Variants in FBXW10 observed in about 807,000 individuals in gnomAD.
FBXW10 encodes the protein F-box/WD repeat-containing protein 10.
FBXW10 carries 68 observed loss-of-function variants against 113.1 expected under a neutral mutation model. That is an observed-to-expected ratio of 0.60 (90% CI 0.49 to 0.74). The LOEUF is 0.74. FBXW10 is among the 30% of genes least tolerant of loss of function. FBXW10 has a pLI of 0.00. For missense variants in FBXW10, 753 were observed against 1,284.5 expected, an observed-to-expected ratio of 0.59 and a Z score of 6.32; for synonymous variants, 289 against 481.6, an observed-to-expected ratio of 0.60 and a Z score of 5.24.
intron 9 of FBXW10, among the ~76,000 whole-genome samples, chr17:18,767,976 A>G (rs988254953): frequency 5.3e-5 from 8 of 150,822 alleles, no homozygotes; most frequent in Non-Finnish European, 7.4e-5. Flanking sequence ...AATGGACTCC[A>G]TTGGCCTTCT....
At chr17:18,767,346 G>A (rs2035517239) in intron 9 of FBXW10, among the ~76,000 whole-genome samples, 1 of 151,898 alleles carries the variant, frequency 6.6e-6, no homozygotes, top group South Asian at 2.1e-4. Context: ...CGGGCATGGT[G>A]GTGGGCGCTT....
intron 6 of FBXW10, among the ~76,000 whole-genome samples, chr17:18,756,711 T>C (rs926119012): frequency 6.6e-6 from 1 of 152,190 alleles, no homozygotes; most frequent in Non-Finnish European, 1.5e-5. Flanking sequence ...GTATTTATAA[T>C]TGCATACTCT....
At chr17:18,768,784 T>A (rs2151823845) in intron 10 of FBXW10, 108 bp downstream of exon 10, 1 of 1,104,294 alleles carries the variant, frequency 9.1e-7, no homozygotes, top group East Asian at 2.6e-5. Context: ...GACATCGTGT[T>A]CTCTGCACCT....
At chr17:18,774,420 A>G (rs546043363) in intron 12 of FBXW10, among the ~76,000 whole-genome samples, 1 of 152,214 alleles carries the variant, frequency 6.6e-6, no homozygotes, top group Non-Finnish European at 1.5e-5. Context: ...AATAAACAAT[A>G]TGGTGTTTGG....
At chr17:18,745,423 CTT>C (rs917049935) in intron 1 of FBXW10, 5 of 212,978 alleles carry the variant, frequency 2.3e-5, no homozygotes, top group South Asian at 1.7e-4. Context: ...TATGTCTTTT[CTT>C]TTTTTTTTGA....
chr17:18,752,669 C>T (rs181472390), intron 5 of FBXW10, among the ~76,000 whole-genome samples: 1 of 151,080 alleles, frequency 6.6e-6, no homozygotes, highest in African/African-American at 2.4e-5. Flanking sequence ...GCCGAGATTG[C>T]GCCACTGCAC....
chr17:18,770,292 A>G (rs2035587270), intron 11 of FBXW10, among the ~76,000 whole-genome samples: 3 of 140,332 alleles, frequency 2.1e-5, no homozygotes, highest in Non-Finnish European at 3.0e-5. Flanking sequence ...GAAGCAATCA[A>G]CTGTTCATTT....
Position 18,762,474 on chromosome 17 carries a change from C to T in FBXW10, c.1434-2268C>T, listed in dbSNP as rs868113017. On this transcript the variant is annotated intron_variant, in intron 7 of 13. Transcript: ENST00000395665. ...CTGGGACTACAGGCATGTGCCACCA[C>T]GCCCGGCGGCTAATGTTTTTTTGTA... 1.7e-4 allele frequency among the ~76,000 whole-genome samples: 25 copies of T among 151,294 alleles called. 1 individual carries two copies. The highest frequency in any genetic ancestry group is 1.3e-4 in the Admixed American group (2 of 15,162).
chr17:18,770,364 T>G (rs571078217), intron 11 of FBXW10, among the ~76,000 whole-genome samples: 4 of 151,898 alleles, frequency 2.6e-5, no homozygotes, highest in Admixed American at 6.6e-5. Flanking sequence ...AGTGCAGTGA[T>G]GTGATCTCGG....
intron 10 of FBXW10, 94 bp downstream of exon 10, chr17:18,768,770 T>A: frequency 4.6e-6 from 6 of 1,316,844 alleles, no homozygotes; most frequent in Non-Finnish European, 6.4e-6. Flanking sequence ...TTCTGCTCCC[T>A]GTAGACATCG....
intron 12 of FBXW10, 96 bp from the exon 13 acceptor site, chr17:18,775,040 C>A: frequency 1.3e-6 from 1 of 744,704 alleles, no homozygotes; most frequent in Non-Finnish European, 2.3e-6. Flanking sequence ...GTATAAAAAT[C>A]AGTCCAATTA....
At chr17:18,746,136 A>T (rs906975795) in intron 1 of FBXW10, among the ~76,000 whole-genome samples, 35 of 152,286 alleles carry the variant, frequency 2.3e-4, no homozygotes, top group African/African-American at 7.7e-4. Context: ...ATATTAATAG[A>T]GCGAGAACTC....
chr17:18,770,358 C>T, intron 11 of FBXW10, among the ~76,000 whole-genome samples: 1 of 151,032 alleles, frequency 6.6e-6, no homozygotes, highest in Non-Finnish European at 1.5e-5. Context: ...GGCTGGAGTG[C>T]AGTGATGTGA....
chr17:18,778,211 C>T (rs529713363), intron 13 of FBXW10, among the ~76,000 whole-genome samples: 3 of 152,322 alleles, frequency 2.0e-5, no homozygotes, highest in African/African-American at 7.2e-5. Context: ...AGAGATCATG[C>T]CACTGCACTC....
At chr17:18,770,903 G>A (rs1597603775) in intron 11 of FBXW10, among the ~76,000 whole-genome samples, 3 of 152,048 alleles carry the variant, frequency 2.0e-5, no homozygotes, top group South Asian at 4.1e-4. Context: ...TTATATATGC[G>A]TAGACTCAGG....
intron 5 of FBXW10, among the ~76,000 whole-genome samples, chr17:18,752,574 C>G (rs1039988537): frequency 2.6e-5 from 4 of 151,910 alleles, no homozygotes; most frequent in Non-Finnish European, 5.9e-5. Flanking sequence ...ATTAGCCAGG[C>G]ATGGTGGCAG....
At chr17:18,764,094 T>C (rs1199606491) in intron 7 of FBXW10, among the ~76,000 whole-genome samples, 2 of 145,710 alleles carry the variant, frequency 1.4e-5, no homozygotes, top group Non-Finnish European at 3.0e-5. Context: ...ACCAAAAATA[T>C]CTCCAGATAT....
rs768750926 is a variant in FBXW10, at chr17:18,751,170, C to A, written c.1122+117C>A. On this transcript the variant is annotated intron_variant, in intron 5 of 13. Coordinates refer to ENST00000395665, the MANE Select transcript of FBXW10 (RefSeq NM_001267585.2). ...GGACAGAGGATCACGGCAGGTGACA[C>A]TCCTTAAGGAAGACGAGAGTTCTGT... 14 of 1,356,732 alleles carry A rather than the reference C, an allele frequency of 1.0e-5. No homozygotes were observed. The Admixed American group carries it at 1.5e-4, about 15-fold the overall frequency. The allele number at this position is 1,356,732 out of a possible 1,614,324, so 84.0% of individuals were successfully genotyped here. A position where few individuals can be genotyped will look rare whatever the true frequency, so the allele number is the denominator to read the frequency against.
In FBXW10 at chr17:18,750,220, G is replaced by C; in HGVS notation, c.999+83G>C. The C allele has an allele frequency of 2.2e-5, 28 of 1,299,074 alleles. 2 individuals carry two copies. In the South Asian group the frequency reaches 3.2e-4, roughly 15 times the overall value. The allele number at this position is 1,299,074 out of a possible 1,614,324, so 80.5% of individuals were successfully genotyped here. On this transcript the variant is annotated intron_variant, in intron 4 of 13. Coordinates refer to ENST00000395665, the MANE Select transcript of FBXW10 (RefSeq NM_001267585.2). ...GGCTGATATGACTGTGGACCTTTCA[G>C]TAAACCCTTAGCTGGCCTCCTCCTC...
Sources: allele counts gnomAD v4.1 joint callset (sites outside exome capture counted in the v4.1 genomes callset), GRCh38; gene constraint gnomAD v4.1.1; transcripts MANE v1.5; gene names NCBI Gene and HGNC (gene_info 2026-07-23, HGNC 2026-07-21).